The following DDHD1 variants were observed in gnomAD, a reference collection of about 807,000 sequenced individuals.
The protein encoded by DDHD1 is DDHD domain containing 1.
Under a neutral mutation model 96.4 loss-of-function variants are expected in DDHD1, and 49 were observed. The observed-to-expected ratio is 0.51, with a 90% confidence interval of 0.40 to 0.64. DDHD1 has a LOEUF of 0.64. DDHD1 is among the 30% of genes least tolerant of loss of function. The pLI is 0.00. For synonymous variants in DDHD1, 442 were observed against 446.5 expected (o/e 0.99, Z 0.13); for missense variants, 1,106 against 1,161.2 (o/e 0.95, Z 0.69).
At position 53,042,376 on chromosome 14, in the gene DDHD1, T is replaced by C. The variant is rs746480339; in HGVS notation, c.*4392A>G. 2.6e-5 allele frequency: 4 copies of C among 152,304 alleles called. No individual in the cohort carries two copies. Among genetic ancestry groups the C allele is most frequent in the African/African-American group, 7.2e-5 (3 of 41,570 alleles). 9.4% of individuals were successfully genotyped at this position (152,304 alleles called of 1,614,324 possible). On this transcript the variant is annotated 3_prime_UTR_variant, in exon 13 of 13. Coordinates refer to ENST00000673822, the MANE Select transcript of DDHD1 (RefSeq NM_001160148.2). Reference sequence around the variant, plus strand: ...TCCAGCTTTAAAATTCCATCATTAATATTTTTTTACTTTACCACTTCCCTC... The same window carrying C: ...TCCAGCTTTAAAATTCCATCATTAACATTTTTTTACTTTACCACTTCCCTC...
chr14:53,097,896 C>G (rs1887005425), intron 2 of DDHD1, among the ~76,000 whole-genome samples: 1 of 151,856 alleles, frequency 6.6e-6, no homozygotes, highest in South Asian at 2.1e-4. Context: ...TCCAGAGAAA[C>G]ATATTTAAAA....
chr14:53,074,964 A>G (rs1247202351), intron 4 of DDHD1, among the ~76,000 whole-genome samples: 2 of 152,112 alleles, frequency 1.3e-5, no homozygotes, highest in Non-Finnish European at 2.9e-5. Flanking sequence ...CTGCACCTGT[A>G]TAAGATGAGC....
chr14:53,063,017 T>G lies in DDHD1; in HGVS notation c.1692A>C (p.Glu564Asp), dbSNP rs750226431. ...TCATCCATCGTTCATCAGGCAACTC[T>G]TCTTCCTTTTGCAGCAACTGTTCAT... Reference protein sequence around the residue: ...RLYEQLLQKEEELPDERWMSY... With the variant: ...RLYEQLLQKEDELPDERWMSY... The change falls in exon 7 of 13, where the codon GAA becomes GAC. Residue 564 changes from glutamate to aspartate, a missense_variant. Glu to Asp is a conservative substitution (Grantham distance 45). Around this residue, in one of 2 missense-constraint regions of DDHD1, gnomAD observed 650 missense variants for 758.8 expected, o/e 0.86. Coordinates refer to ENST00000673822, the MANE Select transcript of DDHD1 (RefSeq NM_001160148.2). 1.2e-6 allele frequency: 2 copies of G among 1,613,758 alleles called. No individual in the cohort carries two copies. The highest frequency in any genetic ancestry group is 1.3e-5 in the African/African-American group (1 of 74,902).
At chr14:53,080,430 C>G (rs554360838) in intron 4 of DDHD1, among the ~76,000 whole-genome samples, 13 of 152,188 alleles carry the variant, frequency 8.5e-5, no homozygotes, top group Admixed American at 3.9e-4. Flanking sequence ...TTGCTTATAT[C>G]TTTAGCCCAT....
intron 9 of DDHD1, 91 bp from the exon 10 acceptor site, chr14:53,056,003 G>C (rs1883023192): frequency 2.8e-6 from 3 of 1,056,278 alleles, no homozygotes; most frequent in Non-Finnish European, 4.1e-6. Context: ...TGCATGTTAA[G>C]TAAACCTCCG....
chr14:53,104,633 C>G (rs904546107), intron 1 of DDHD1, among the ~76,000 whole-genome samples: 2 of 151,898 alleles, frequency 1.3e-5, no homozygotes, highest in African/African-American at 4.8e-5. Context: ...GAAAAAAAAT[C>G]AAGAAAAACT....
intron 2 of DDHD1, among the ~76,000 whole-genome samples, chr14:53,094,396 C>T (rs945966484): frequency 1.3e-5 from 2 of 152,126 alleles, no homozygotes; most frequent in African/African-American, 4.8e-5. Flanking sequence ...GTTTTTCTGC[C>T]ATGATGTTCA....
Position 53,058,469 on chromosome 14 carries a change from C to T in DDHD1, c.1992+8G>A. 6.2e-7 allele frequency: 1 copy of T among 1,602,726 alleles called. No individual in the cohort carries two copies. The highest frequency in any genetic ancestry group is 8.5e-7 in the Non-Finnish European group (1 of 1,176,682). On this transcript the variant is annotated splice_region_variant and intron_variant, in intron 9 of 12. Coordinates refer to ENST00000673822, the MANE Select transcript of DDHD1 (RefSeq NM_001160148.2). ...TTGAGAAAAAAAAGAGTCTATATTG[C>T]AACTCACCACTGGATCTGTAGGATG...
intron 2 of DDHD1, among the ~76,000 whole-genome samples, chr14:53,101,995 C>T (rs2139716190): frequency 6.6e-6 from 1 of 151,920 alleles, no homozygotes; most frequent in South Asian, 2.1e-4. Flanking sequence ...TCTTTCTCCT[C>T]CAAGCTCCTG....
At position 53,152,478 on chromosome 14, in the gene DDHD1, G is replaced by C. The variant is rs1334015041; in HGVS notation, c.621C>G (p.Gly207=). 1.2e-6 allele frequency: 2 copies of C among 1,612,824 alleles called. No homozygotes were observed. The highest frequency in any genetic ancestry group is 1.7e-6 in the Non-Finnish European group (2 of 1,179,686). ...LLQTTGARPQ[G]GDRDGDHVCS... is the part of the protein sequence containing the mutation. The stretch of plus-strand genomic sequence containing the variant: ...ACACATGGTCGCCGTCCCGGTCCCC[G>C]CCCTGGGGCCGGGCACCCGTGGTCT... The change falls in exon 1 of 13, where the codon GGC becomes GGG. Residue 207 remains glycine (G), a synonymous_variant. Coordinates refer to ENST00000673822, the MANE Select transcript of DDHD1 (RefSeq NM_001160148.2).
rs1325117914 is a variant in DDHD1 at position 53,043,586 on chromosome 14, C to G, written c.*3182G>C. The G allele has an allele frequency of 1.3e-5, 2 of 152,284 alleles. No individual in the cohort carries two copies. The highest frequency in any genetic ancestry group is 3.9e-4 in the East Asian group (2 of 5,174). The allele number at this position is 152,284 out of a possible 1,614,324, so 9.4% of individuals were successfully genotyped here. ...GGGACCACAGGCGTCTGCCAACACA[C>G]CCAGCTAATCTTTGCATTTTTTGTA... On this transcript the variant is annotated 3_prime_UTR_variant, in exon 13 of 13. Transcript: ENST00000673822.
rs1881889606 is a variant in DDHD1 at position 53,044,663 on chromosome 14, A to C, written c.*2105T>G. 1 of 152,262 alleles carries C rather than the reference A, an allele frequency of 6.6e-6. No individual in the cohort carries two copies. The highest frequency in any genetic ancestry group is 1.5e-5 in the Non-Finnish European group (1 of 68,046). 9.4% of individuals were successfully genotyped at this position (152,262 alleles called of 1,614,324 possible). On this transcript the variant is annotated 3_prime_UTR_variant, in exon 13 of 13. Coordinates refer to ENST00000673822, the MANE Select transcript of DDHD1 (RefSeq NM_001160148.2). Reference sequence around the variant, plus strand: ...GATAATTTAGCTTTGCTAAGATTTCATCAAAAGCCTTTTATAGCAAGGGTT... The same window carrying C: ...GATAATTTAGCTTTGCTAAGATTTCCTCAAAAGCCTTTTATAGCAAGGGTT...
At position 53,103,663 on chromosome 14, in the gene DDHD1, A is replaced by C. The variant is rs761566344; in HGVS notation, c.1012+20T>G. The C allele has an allele frequency of 3.8e-6, 6 of 1,586,358 alleles. No homozygotes were observed. The highest frequency in any genetic ancestry group is 3.6e-5 in the Admixed American group (2 of 56,284). ...CTTACTTGGTTTGTAGAATATATTA[A>C]ATGTATCAATTGATCTTACCATCTT... On this transcript the variant is annotated intron_variant, in intron 2 of 12. Transcript: ENST00000673822.
At position 53,044,467 on chromosome 14, in the gene DDHD1, C is replaced by T. The variant is rs569016565; in HGVS notation, c.*2301G>A. ...TATTCTAGTGGTTAAGAATAAATCC[C>T]TTCAAGTTCTTATGCATTTGAGTGT... On this transcript the variant is annotated 3_prime_UTR_variant, in exon 13 of 13. Coordinates refer to ENST00000673822, the MANE Select transcript of DDHD1 (RefSeq NM_001160148.2). 23 of 152,236 alleles carry T rather than the reference C, an allele frequency of 1.5e-4. No individual in the cohort carries two copies. Among genetic ancestry groups the T allele is most frequent in the African/African-American group, 5.3e-4 (22 of 41,552 alleles). 9.4% of individuals were successfully genotyped at this position (152,236 alleles called of 1,614,324 possible).
chr14:53,078,438 C>T (rs1885156791), intron 4 of DDHD1, among the ~76,000 whole-genome samples: 1 of 152,130 alleles, frequency 6.6e-6, no homozygotes, highest in African/African-American at 2.4e-5. Flanking sequence ...CAAATGTCTA[C>T]TCAAATCCTT....
chr14:53,136,607 G>T (rs578232112), intron 1 of DDHD1, among the ~76,000 whole-genome samples: 1 of 152,156 alleles, frequency 6.6e-6, no homozygotes, highest in Non-Finnish European at 1.5e-5. Context: ...AAAGGAGCAG[G>T]TGGAACAATC....
At chr14:53,077,493 T>C (rs1041982347) in intron 4 of DDHD1, among the ~76,000 whole-genome samples, 3 of 152,128 alleles carry the variant, frequency 2.0e-5, no homozygotes, top group Non-Finnish European at 4.4e-5. Context: ...GTTTTCAAAA[T>C]AACAAGTCAT....
chr14:53,095,020 C>T (rs1280486974), intron 2 of DDHD1, among the ~76,000 whole-genome samples: 1 of 152,128 alleles, frequency 6.6e-6, no homozygotes, highest in African/African-American at 2.4e-5. Context: ...ACAGAATGTC[C>T]TATCACAGTG....
At chr14:53,119,307 G>A (rs1379185856) in intron 1 of DDHD1, among the ~76,000 whole-genome samples, 1 of 152,146 alleles carries the variant, frequency 6.6e-6, no homozygotes, top group Non-Finnish European at 1.5e-5. Flanking sequence ...AAATTCAAAT[G>A]TAACAATATT....
Sources: gnomAD v4.1 joint callset for allele counts (sites outside exome capture counted in the v4.1 genomes callset) on GRCh38, gnomAD v4.1.1 for gene constraint, gnomAD v4.1.1 regional missense constraint, MANE v1.5 for transcripts, NCBI Gene and HGNC (gene_info 2026-07-23, HGNC 2026-07-21) for gene names.